Variants in CCDC30 observed in about 807,000 individuals in gnomAD.
CCDC30 encodes coiled-coil domain containing 30.
A neutral mutation model predicts 100.2 loss-of-function variants in CCDC30; 70 were observed. That is an observed-to-expected ratio of 0.70 (90% CI 0.58 to 0.85). The LOEUF is 0.85. Among genes scored for constraint, CCDC30 ranks in the 40% least tolerant of loss-of-function variants. CCDC30 has a pLI of 0.00. For synonymous variants in CCDC30, 233 were observed against 269.5 expected, an observed-to-expected ratio of 0.86 and a Z score of 1.33; for missense variants, 652 against 771.2, an observed-to-expected ratio of 0.85 and a Z score of 1.83.
At chr1:42,480,605 A>T (rs917941523) in intron 2 of CCDC30, 39 bp downstream of exon 2, 10 of 985,128 alleles carry the variant, frequency 1.0e-5, no homozygotes, top group Non-Finnish European at 1.2e-5. Flanking sequence ...ATTTTTGTTC[A>T]TGAAGACTGA....
chr1:42,515,520 T>C (rs958973250), intron 6 of CCDC30, among the ~76,000 whole-genome samples: 1 of 152,238 alleles, frequency 6.6e-6, no homozygotes, highest in African/African-American at 2.4e-5. Flanking sequence ...GTGGACACTG[T>C]GTTCATTTCT....
Position 42,469,762 on chromosome 1 carries a change from C to T in CCDC30, c.-92+5864C>T, listed in dbSNP as rs192700038. On this transcript the variant is annotated intron_variant, in intron 1 of 16. Coordinates refer to ENST00000668663, the Ensembl canonical transcript of CCDC30. ...TATGTTGATGAGGAGAAGCAACTGA[C>T]TGTTTTATGATGACCTTTGTTTTAC... Among the ~76,000 whole-genome samples the T allele has an allele frequency of 3.3e-5, 5 of 152,170 alleles. No homozygotes were observed. The East Asian group carries it at 9.7e-4, about 29-fold the overall frequency.
chr1:42,461,037 C>T (rs1316087541), upstream of CCDC30, among the ~76,000 whole-genome samples: 2 of 152,186 alleles, frequency 1.3e-5, no homozygotes, highest in Non-Finnish European at 2.9e-5. Context: ...CAAAAAAATT[C>T]CCTAAATGAT....
At chr1:42,462,340 T>C (rs139687630), upstream of CCDC30, among the ~76,000 whole-genome samples, 221 of 152,276 alleles carry the variant, frequency 1.5e-3, no homozygotes, top group South Asian at 9.5e-3. Context: ...AATGTCTCCC[T>C]GAGTAGGTGA....
chr1:42,461,585 C>T (rs537581272), upstream of CCDC30, among the ~76,000 whole-genome samples: 3 of 147,936 alleles, frequency 2.0e-5, no homozygotes, highest in East Asian at 4.0e-4. Context: ...CTTGCTCTGT[C>T]GTCCTGGGTG....
At chr1:42,542,322 T>C (rs1214992641) in intron 6 of CCDC30, among the ~76,000 whole-genome samples, 1 of 152,144 alleles carries the variant, frequency 6.6e-6, no homozygotes, top group African/African-American at 2.4e-5. Context: ...GCAGAAACCC[T>C]CAGCAGCTTT....
intron 3 of CCDC30, among the ~76,000 whole-genome samples, chr1:42,483,410 A>G (rs1348139432): frequency 2.6e-5 from 4 of 152,194 alleles, no homozygotes; most frequent in Non-Finnish European, 5.9e-5. Flanking sequence ...GAGCAGAATT[A>G]CTGAATCAAA....
At chr1:42,512,790 G>A (rs1644499224) in intron 6 of CCDC30, among the ~76,000 whole-genome samples, 1 of 152,092 alleles carries the variant, frequency 6.6e-6, no homozygotes, top group Non-Finnish European at 1.5e-5. Flanking sequence ...CGGTGGCTAG[G>A]CCCAACATGA....
intron 11 of CCDC30, among the ~76,000 whole-genome samples, chr1:42,623,124 G>C (rs191035220): frequency 6.6e-6 from 1 of 152,060 alleles, no homozygotes; most frequent in Non-Finnish European, 1.5e-5. Flanking sequence ...TATATATTCT[G>C]GTTATTAAAC....
At position 42,566,412 on chromosome 1, in the gene CCDC30, T is replaced by G; in HGVS notation, c.573T>G (p.Tyr191Ter). Reference sequence around the variant, plus strand: ...ACTCAGCTGAAAATGAGCTTCGATATGAACGAGGGCAGAACTTGGACTTAA... The same window carrying G: ...ACTCAGCTGAAAATGAGCTTCGATAGGAACGAGGGCAGAACTTGGACTTAA... Residue 191 changes from tyrosine to a stop codon, truncating the protein, a stop_gained, in exon 7 of 17, where the codon TAT becomes TAG. Coordinates refer to ENST00000668663, the Ensembl canonical transcript of CCDC30. LOFTEE classifies it high-confidence loss of function. 5 of 1,614,034 alleles carry G rather than the reference T, an allele frequency of 3.1e-6. No individual in the cohort carries two copies. Among genetic ancestry groups the G allele is most frequent in the Non-Finnish European group, 4.2e-6 (5 of 1,179,908 alleles).
chr1:42,567,953 AGAG>A (rs767529443), intron 7 of CCDC30, among the ~76,000 whole-genome samples: 440 of 150,558 alleles, frequency 2.9e-3, no homozygotes, highest in African/African-American at 5.8e-3. Flanking sequence ...AAAAAAAAAG[AGAG>A]AGAGAATTTT....
intron 6 of CCDC30, among the ~76,000 whole-genome samples, chr1:42,540,664 C>T (rs556060907): frequency 6.4e-4 from 78 of 121,004 alleles, no homozygotes; most frequent in African/African-American, 2.6e-3. Context: ...CACACACACA[C>T]ACACATACAC....
rs941729892 is a variant in CCDC30, at chr1:42,625,242, C to G, written c.1278-11995C>G. Among the ~76,000 whole-genome samples, 4 of 151,842 alleles carry G rather than the reference C, an allele frequency of 2.6e-5. No individual in the cohort carries two copies. In the East Asian group the frequency reaches 7.7e-4, roughly 29 times the overall value. On this transcript the variant is annotated intron_variant, in intron 11 of 16. Transcript: ENST00000668663. ...TTAGTTGTAATATCTCATTTTTTGT[C>G]CCTGATTTTATTTATTTGGATCTTC...
At chr1:42,584,561 C>G (rs1646030998) in intron 9 of CCDC30, among the ~76,000 whole-genome samples, 1 of 152,016 alleles carries the variant, frequency 6.6e-6, no homozygotes, top group Admixed American at 6.6e-5. Context: ...CCACTGCACT[C>G]CAACGTGGGC....
At chr1:42,457,970 A>C in the CCDC30 span, among the ~76,000 whole-genome samples, 3 of 150,836 alleles carry the variant, frequency 2.0e-5, no homozygotes, top group Non-Finnish European at 3.0e-5. Flanking sequence ...AAAAAAAAAA[A>C]CACCAAAAAT....
intron 6 of CCDC30, among the ~76,000 whole-genome samples, chr1:42,523,418 C>T (rs549986697): frequency 7.7e-4 from 118 of 152,306 alleles, no homozygotes; most frequent in Non-Finnish European, 1.3e-3. Context: ...AGCCCACTGC[C>T]TTCTGGTTGC....
Position 42,513,600 on chromosome 1 carries a change from T to C in CCDC30, c.456+14684T>C, listed in dbSNP as rs117694190. ...CAGTTTGCTTGTCTATGTCTGCAGC[T>C]CAATTTTACAGACTGCTCTTTGTTA... On this transcript the variant is annotated intron_variant, in intron 6 of 16. Coordinates refer to ENST00000668663, the Ensembl canonical transcript of CCDC30. Among the ~76,000 whole-genome samples the C allele has an allele frequency of 3.0e-4, 46 of 152,256 alleles. No individual in the cohort carries two copies. In the East Asian group the frequency reaches 8.7e-3, roughly 29 times the overall value.
intron 6 of CCDC30, among the ~76,000 whole-genome samples, chr1:42,512,729 T>C (rs373093338): frequency 2.1e-4 from 32 of 152,294 alleles, no homozygotes; most frequent in East Asian, 1.7e-3. Context: ...TAGCAGGTTG[T>C]TGCCCTGACC....
chr1:42,656,780 G>C (rs1648678327), downstream of CCDC30, among the ~76,000 whole-genome samples: 1 of 152,194 alleles, frequency 6.6e-6, no homozygotes, highest in Non-Finnish European at 1.5e-5. Context: ...CCATAGGGTT[G>C]TGAGGACCAA....
Sources: gnomAD v4.1 joint callset for allele counts (sites outside exome capture counted in the v4.1 genomes callset) on GRCh38, gnomAD v4.1.1 for gene constraint, MANE v1.5 for transcripts, NCBI Gene and HGNC (gene_info 2026-07-23, HGNC 2026-07-21) for gene names.